Variants in MCFD2 observed in about 807,000 individuals in gnomAD.
MCFD2 encodes the protein multiple coagulation factor deficiency 2, ER cargo receptor complex subunit.
MCFD2 carries 11 observed loss-of-function variants against 12.8 expected under a neutral mutation model. The ratio of observed to expected loss-of-function variants is 0.86; its 90% CI spans 0.54 to 1.42. The LOEUF (loss-of-function observed/expected upper bound fraction) is 1.42. Ranked by LOEUF, MCFD2 falls within the 40% of genes most tolerant of loss-of-function variation. The probability of loss-of-function intolerance (pLI) is 0.00; values close to 1 mark genes in which losing one functional copy is unlikely to be tolerated. For synonymous variants in MCFD2, 70 were observed against 68.1 expected, an observed-to-expected ratio of 1.03 and a Z score of -0.14; for missense variants, 191 against 178.6, an observed-to-expected ratio of 1.07 and a Z score of -0.40.
chr2:46,903,360 T>A lies in MCFD2; in HGVS notation c.*2103A>T, dbSNP rs1351923922. The A allele has an allele frequency of 6.5e-6, 1 of 154,036 alleles. No individual in the cohort carries two copies. Among genetic ancestry groups the A allele is most frequent in the Non-Finnish European group, 1.4e-5 (1 of 69,486 alleles). The allele number at this position is 154,036 out of a possible 1,614,324, so 9.5% of individuals were successfully genotyped here. ...GTGAAAACGGACTAATACAGTAAATTGGTACCAGTAGATTGGGACCTGCTG... is the reference window on the plus strand; with the variant it reads ...GTGAAAACGGACTAATACAGTAAATAGGTACCAGTAGATTGGGACCTGCTG... On this transcript the variant is annotated 3_prime_UTR_variant, in exon 4 of 4. Transcript: ENST00000319466.
In MCFD2 at chr2:46,906,020, T is replaced by C. The variant is rs61001777; in HGVS notation, c.310-426A>G. ...AAACAGTGACGAATTGGACAACAAG[T>C]TGGCATCAAAACAAGAGGAAGAAGG... On this transcript the variant is annotated intron_variant, in intron 3 of 3. Coordinates refer to ENST00000319466, the MANE Select transcript of MCFD2 (RefSeq NM_139279.6). The C allele has an allele frequency of 1.5e-3, 703 of 471,360 alleles. 8 individuals are homozygous for C. Among genetic ancestry groups the C allele is most frequent in the African/African-American group, 0.013 (646 of 50,216 alleles). The allele number at this position is 471,360 out of a possible 1,614,324, so 29.2% of individuals were successfully genotyped here.
At chr2:46,936,454 C>G (rs1483145398) in intron 1 of MCFD2, among the ~76,000 whole-genome samples, 1 of 152,128 alleles carries the variant, frequency 6.6e-6, no homozygotes, top group Non-Finnish European at 1.5e-5. Flanking sequence ...TCTCTCCGGA[C>G]CCTCTGTCTG....
At chr2:46,929,738 T>G (rs1351290914) in intron 1 of MCFD2, among the ~76,000 whole-genome samples, 1 of 152,134 alleles carries the variant, frequency 6.6e-6, no homozygotes, top group East Asian at 1.9e-4. Context: ...AAATAAGATA[T>G]GGGATGCTAT....
intron 1 of MCFD2, among the ~76,000 whole-genome samples, chr2:46,936,164 T>C (rs1669966875): frequency 6.6e-6 from 1 of 152,242 alleles, no homozygotes; most frequent in Non-Finnish European, 1.5e-5. Context: ...TTATTTTCTC[T>C]TCTACCAATA....
At chr2:46,925,269 T>C (rs1196951336) in intron 1 of MCFD2, among the ~76,000 whole-genome samples, 3 of 152,162 alleles carry the variant, frequency 2.0e-5, no homozygotes, top group African/African-American at 7.2e-5. Flanking sequence ...TTTTTAACAA[T>C]ATGTTGAGCT....
At position 46,941,850 on chromosome 2, in the gene MCFD2, A is replaced by G; in HGVS notation, c.-286T>C. 1 of 1,265,972 alleles carries G rather than the reference A, an allele frequency of 7.9e-7. No homozygotes were observed. The highest frequency in any genetic ancestry group is 1.1e-6 in the Non-Finnish European group (1 of 911,898). 78.4% of individuals were successfully genotyped at this position (1,265,972 alleles called of 1,614,324 possible). On this transcript the variant is annotated 5_prime_UTR_variant, in exon 1 of 3. Transcript: ENST00000409147. This position sits in a 1 kb window ranked among gnomAD's most constrained non-coding sequence, Gnocchi z 4.2. ...CCTGCCAGCCCACCGTGCTAGTCTT[A>G]AGAGCAGCCAGGGCAGTTAGGAAGG...
chr2:46,919,759 C>A (rs1017159395), upstream of MCFD2, among the ~76,000 whole-genome samples: 1 of 152,190 alleles, frequency 6.6e-6, no homozygotes, highest in Non-Finnish European at 1.5e-5. Flanking sequence ...GAGGAAAAAA[C>A]AAGGGTGCGG....
chr2:46,917,821 T>A (rs763518291), upstream of MCFD2, among the ~76,000 whole-genome samples: 2 of 152,240 alleles, frequency 1.3e-5, no homozygotes, highest in Admixed American at 6.5e-5. Context: ...CCAACCACTC[T>A]CACTTAGAAA....
At chr2:46,932,575 G>A (rs2103846431) in intron 1 of MCFD2, among the ~76,000 whole-genome samples, 1 of 151,990 alleles carries the variant, frequency 6.6e-6, no homozygotes, top group African/African-American at 2.4e-5. Flanking sequence ...AGAAAAAGAG[G>A]AAGAAAAGAA....
At position 46,903,085 on chromosome 2, in the gene MCFD2, A is replaced by AG. The variant is rs1187045254; in HGVS notation, c.*2377dup. The AG allele has an allele frequency of 1.3e-5, 2 of 152,238 alleles. No individual in the cohort carries two copies. The highest frequency in any genetic ancestry group is 2.9e-5 in the Non-Finnish European group (2 of 68,070). The allele number at this position is 152,238 out of a possible 1,614,324, so 9.4% of individuals were successfully genotyped here. On this transcript the variant is annotated 3_prime_UTR_variant, in exon 4 of 4. Transcript: ENST00000319466. ...TTCCCACGTGTTGTGGGACAGACCCAGGGGGAGGTAATTGAATCATGGGGG... is the reference window on the plus strand; with the variant it reads ...TTCCCACGTGTTGTGGGACAGACCCAGGGGGGAGGTAATTGAATCATGGGGG...
rs753793027 is a variant in MCFD2, at chr2:46,909,145, G to A, written c.27C>T (p.Thr9=). 6.2e-7 allele frequency: 1 copy of A among 1,614,190 alleles called. No homozygotes were observed. Among genetic ancestry groups the A allele is most frequent in the East Asian group, 2.2e-5 (1 of 44,886 alleles). The change falls in exon 2 of 4, where the codon ACC becomes ACT. Residue 9 remains threonine, a synonymous_variant. Transcript: ENST00000319466. MTMRSLLR[T]PFLCGLLWAF... ...CCCAGAGCAGGCCACACAGGAAGGG[G>A]GTTCTGAGCAGGGATCTCATGGTCA...
chr2:46,938,218 A>AT lies in MCFD2; in HGVS notation c.-8+3353dup, dbSNP rs1373411505. ...ATCAAGTCACCAATGAAGGTGTTCA[A>AT]TTTCCCACTCAGCCTTTAAACCCAC... is the stretch of plus-strand genomic sequence containing the variant. On this transcript the variant is annotated intron_variant, in intron 1 of 2. Transcript: ENST00000409147. Among the ~76,000 whole-genome samples, 10 of 152,336 alleles carry AT rather than the reference A, an allele frequency of 6.6e-5. No homozygotes were observed. The South Asian group carries it at 1.9e-3, about 28-fold the overall frequency.
chr2:46,919,885 A>G (rs925217870), upstream of MCFD2, among the ~76,000 whole-genome samples: 22 of 152,242 alleles, frequency 1.4e-4, no homozygotes, highest in African/African-American at 5.3e-4. Context: ...GGTGACCTCA[A>G]TGGGTTGCAT....
Position 46,908,065 on chromosome 2 carries a change from C to T in MCFD2, c.150-96G>A. On this transcript the variant is annotated intron_variant, in intron 2 of 3. Coordinates refer to ENST00000319466, the MANE Select transcript of MCFD2 (RefSeq NM_139279.6). The surrounding 1 kb of genome is among the most constrained non-coding windows in gnomAD (Gnocchi z 4.5). ...AAAAGTTCAAGATCTTAAACTTCCTCCAGCTCAGAAAAACAAACACCAGCA... is the reference window on the plus strand; with the variant it reads ...AAAAGTTCAAGATCTTAAACTTCCTTCAGCTCAGAAAAACAAACACCAGCA... 2.2e-6 allele frequency: 3 copies of T among 1,391,006 alleles called. No individual in the cohort carries two copies. Among genetic ancestry groups the T allele is most frequent in the Non-Finnish European group, 3.0e-6 (3 of 999,428 alleles). The allele number at this position is 1,391,006 out of a possible 1,614,324, so 86.2% of individuals were successfully genotyped here.
upstream of MCFD2, among the ~76,000 whole-genome samples, chr2:46,919,212 T>C (rs1668972495): frequency 6.6e-6 from 1 of 152,212 alleles, no homozygotes; most frequent in Non-Finnish European, 1.5e-5. Context: ...GAAAAATAAA[T>C]AGAAAAATAT....
chr2:46,916,061 G>A (rs1295783087), upstream of MCFD2: 1 of 985,456 alleles, frequency 1.0e-6, no homozygotes, highest in East Asian at 1.1e-4. Context: ...GCTAGGCAAC[G>A]CCGGAAGCCC....
intron 1 of MCFD2, among the ~76,000 whole-genome samples, chr2:46,930,942 A>G (rs1308266626): frequency 6.6e-6 from 1 of 152,276 alleles, no homozygotes; most frequent in African/African-American, 2.4e-5. Flanking sequence ...TTACAAAGCT[A>G]TCATAATTTT....
Position 46,907,806 on chromosome 2 carries a change from C to G in MCFD2, c.309+4G>C, listed in dbSNP as rs777789932. The G allele has an allele frequency of 1.2e-6, 2 of 1,614,086 alleles. No individual in the cohort carries two copies. The highest frequency in any genetic ancestry group is 1.7e-6 in the Non-Finnish European group (2 of 1,179,994). On this transcript the variant is annotated splice_donor_region_variant and intron_variant, in intron 3 of 3. Transcript: ENST00000319466. This position sits in a 1 kb window ranked among gnomAD's most constrained non-coding sequence, Gnocchi z 4.1. ...ACAGTCCCCCAAGCCACTGCCAGAC[C>G]TACCTCCTTATGGACATGAGTGATG...
intron 1 of MCFD2, among the ~76,000 whole-genome samples, chr2:46,913,293 ATCT>A (rs1471449122): frequency 6.6e-6 from 1 of 152,152 alleles, no homozygotes; most frequent in Non-Finnish European, 1.5e-5. Flanking sequence ...TATGCCTGTA[ATCT>A]CAATACTTTG....
Sources: allele counts gnomAD v4.1 joint callset (sites outside exome capture counted in the v4.1 genomes callset), GRCh38; gene constraint gnomAD v4.1.1; non-coding constraint Gnocchi (gnomAD v3.1); transcripts MANE v1.5; gene names NCBI Gene and HGNC (gene_info 2026-07-23, HGNC 2026-07-21).